AOPEP: variants seen among roughly 807,000 people sequenced by gnomAD.
AOPEP encodes aminopeptidase O (putative).
Under a neutral mutation model 98.1 loss-of-function variants are expected in AOPEP, and 77 were observed. The observed-to-expected ratio is 0.78, with a 90% CI of 0.65 to 0.95. The LOEUF (loss-of-function observed/expected upper bound fraction) is 0.95. Ranked by LOEUF, AOPEP falls within the 40% of genes least tolerant of loss-of-function variation. The probability of loss-of-function intolerance (pLI) is 0.00; values close to 1 mark genes in which losing one functional copy is unlikely to be tolerated. For missense variants in AOPEP, 1,024 were observed against 1,024.7 expected (o/e 1.00, Z 0.01); for synonymous variants, 346 against 365.3 (o/e 0.95, Z 0.60).
At chr9:94,956,362 G>A (rs2058455629) in intron 9 of AOPEP, among the ~76,000 whole-genome samples, 1 of 152,126 alleles carries the variant, frequency 6.6e-6, no homozygotes, top group South Asian at 2.1e-4. Flanking sequence ...CAAGTCACCC[G>A]GCTAAACAGA....
At position 94,800,747 on chromosome 9, in the gene AOPEP, T is replaced by C; in HGVS notation, c.1119-10T>C. On this transcript the variant is annotated splice_polypyrimidine_tract_variant and intron_variant, in intron 4 of 16. Transcript: ENST00000375315. ...AACATGTTTTACCATTTATTTTGTG[T>C]TATTCCCAGGCATGTTGGTGTTTGC... The C allele has an allele frequency of 6.2e-7, 1 of 1,613,448 alleles. No homozygotes were observed. The highest frequency in any genetic ancestry group is 8.5e-7 in the Non-Finnish European group (1 of 1,179,374).
intron 13 of AOPEP, among the ~76,000 whole-genome samples, chr9:95,042,674 T>G (rs533578988): frequency 6.6e-6 from 1 of 152,292 alleles, no homozygotes; most frequent in African/African-American, 2.4e-5. Flanking sequence ...GGCCCCTTCC[T>G]CCATCTTTAA....
the AOPEP span, among the ~76,000 whole-genome samples, chr9:95,105,247 G>A: frequency 6.6e-6 from 1 of 152,184 alleles, no homozygotes; most frequent in Non-Finnish European, 1.5e-5. Context: ...TTCTTGGCAG[G>A]TGGGTCATGT....
chr9:94,937,660 A>G (rs1002055198), intron 7 of AOPEP, among the ~76,000 whole-genome samples: 5 of 150,932 alleles, frequency 3.3e-5, no homozygotes, highest in African/African-American at 1.2e-4. Context: ...GCATAATTCC[A>G]TATCATTATG....
At chr9:94,812,492 G>C (rs1850826098) in intron 5 of AOPEP, among the ~76,000 whole-genome samples, 1 of 152,116 alleles carries the variant, frequency 6.6e-6, no homozygotes, top group Non-Finnish European at 1.5e-5. Flanking sequence ...GGGCACCTCT[G>C]TAAGGGAATC....
At chr9:95,126,023 T>C in the AOPEP span, among the ~76,000 whole-genome samples, 4,982 of 152,340 alleles carry the variant, frequency 0.033, 281 homozygotes, top group African/African-American at 0.11. Context: ...ATCTAATGCA[T>C]TTCCCAAGAA....
At chr9:94,743,202 G>GAA (rs1564051885) in intron 1 of AOPEP, among the ~76,000 whole-genome samples, 1 of 112,804 alleles carries the variant, frequency 8.9e-6, no homozygotes, top group Non-Finnish European at 1.8e-5. Context: ...AAGAAGAAGA[G>GAA]GAAGAAGAGG....
intron 5 of AOPEP, among the ~76,000 whole-genome samples, chr9:94,862,744 T>G (rs1359746639): frequency 6.6e-6 from 1 of 152,166 alleles, no homozygotes; most frequent in Non-Finnish European, 1.5e-5. Context: ...TGTTGCCTCA[T>G]GTTGTTTCCT....
At chr9:95,121,419 A>G in the AOPEP span, among the ~76,000 whole-genome samples, 1 of 152,216 alleles carries the variant, frequency 6.6e-6, no homozygotes, top group African/African-American at 2.4e-5. Flanking sequence ...TCACTCATAA[A>G]CTGTTGCAGG....
In AOPEP at chr9:95,086,630, A is replaced by G. The variant is rs1009581475; in HGVS notation, c.*5-52A>G. Reference sequence around the variant, plus strand: ...AGGCACACAGAGGTGCGCGCTCACAAGAATTCCTCCCGGTGACTGGGTAAT... The same window carrying G: ...AGGCACACAGAGGTGCGCGCTCACAGGAATTCCTCCCGGTGACTGGGTAAT... On this transcript the variant is annotated intron_variant, in intron 16 of 16. Transcript: ENST00000375315. 1.0e-5 allele frequency: 10 copies of G among 987,442 alleles called. No homozygotes were observed. In the East Asian group the frequency reaches 9.0e-4, roughly 89 times the overall value. 61.2% of individuals were successfully genotyped at this position (987,442 alleles called of 1,614,324 possible).
At chr9:94,888,785 A>G (rs2048534573) in intron 5 of AOPEP, among the ~76,000 whole-genome samples, 1 of 152,190 alleles carries the variant, frequency 6.6e-6, no homozygotes, top group Non-Finnish European at 1.5e-5. Context: ...AGGGACTACT[A>G]TCTCAGACAA....
chr9:94,882,909 G>A (rs1051645938), intron 5 of AOPEP, among the ~76,000 whole-genome samples: 6 of 152,154 alleles, frequency 3.9e-5, no homozygotes, highest in African/African-American at 1.4e-4. Flanking sequence ...TAATTTTTAC[G>A]GATAAATTTA....
intron 3 of AOPEP, among the ~76,000 whole-genome samples, chr9:94,784,741 G>T (rs868219910): frequency 5.3e-5 from 8 of 152,210 alleles, no homozygotes; most frequent in Admixed American, 1.3e-4. Flanking sequence ...TCAGCCTCCT[G>T]AGTAGCTAGG....
At chr9:94,886,372 C>T (rs182880450) in intron 5 of AOPEP, among the ~76,000 whole-genome samples, 6 of 152,216 alleles carry the variant, frequency 3.9e-5, no homozygotes, top group East Asian at 1.9e-4. Flanking sequence ...TATATAATTA[C>T]GCCTACAGAA....
chr9:94,979,858 G>A (rs542639369), intron 11 of AOPEP, among the ~76,000 whole-genome samples: 1 of 152,296 alleles, frequency 6.6e-6, no homozygotes, highest in East Asian at 1.9e-4. Flanking sequence ...TGCCGCCGTC[G>A]TCTGTCCTGC....
At chr9:94,833,562 A>G (rs764672519) in intron 5 of AOPEP, among the ~76,000 whole-genome samples, 4 of 152,132 alleles carry the variant, frequency 2.6e-5, no homozygotes, top group Non-Finnish European at 4.4e-5. Flanking sequence ...TACACCAGGA[A>G]GCAAAGAAGC....
intron 13 of AOPEP, among the ~76,000 whole-genome samples, chr9:95,014,207 C>T (rs1466331699): frequency 6.6e-6 from 1 of 152,124 alleles, no homozygotes; most frequent in African/African-American, 2.4e-5. Context: ...TGGCTCACGC[C>T]TGTAATCCCA....
At chr9:95,058,785 AG>A (rs2067058876) in intron 13 of AOPEP, among the ~76,000 whole-genome samples, 1 of 152,182 alleles carries the variant, frequency 6.6e-6, no homozygotes, top group Non-Finnish European at 1.5e-5. Context: ...CAAGGGCTGG[AG>A]GGCATTCAGT....
At chr9:95,133,839 A>C in the AOPEP span, among the ~76,000 whole-genome samples, 1 of 152,190 alleles carries the variant, frequency 6.6e-6, no homozygotes, top group Non-Finnish European at 1.5e-5. Context: ...GTAATTTATG[A>C]CCTTGAATCA....
Sources: allele counts gnomAD v4.1 joint callset (sites outside exome capture counted in the v4.1 genomes callset), GRCh38; gene constraint gnomAD v4.1.1; transcripts MANE v1.5; gene names NCBI Gene and HGNC (gene_info 2026-07-23, HGNC 2026-07-21).